The following CCDC57 variants were observed in gnomAD, a reference collection of about 807,000 sequenced individuals.
CCDC57 encodes coiled-coil domain containing 57, also known as coiled-coil domain-containing protein 57.
CCDC57 carries 118 observed loss-of-function variants against 118.9 expected under a neutral mutation model. The ratio of observed to expected loss-of-function variants is 0.99; its 90% confidence interval spans 0.86 to 1.16. The LOEUF is 1.16. Ranked by LOEUF, CCDC57 falls within the 50% of genes most tolerant of loss-of-function variation. CCDC57 has a pLI of 0.00. For missense variants in CCDC57, 1,300 were observed against 1,320.7 expected (o/e 0.98, Z 0.24); for synonymous variants, 527 against 532.9 (o/e 0.99, Z 0.15).
At chr17:82,103,339 C>CT (rs1375717673) in intron 19 of CCDC57, among the ~76,000 whole-genome samples, 1 of 152,062 alleles carries the variant, frequency 6.6e-6, no homozygotes, top group East Asian at 1.9e-4. Context: ...CTGGGGGGCC[C>CT]TGGACGCTGC....
At chr17:82,190,407 T>A (rs545726398) in intron 7 of CCDC57, among the ~76,000 whole-genome samples, 1 of 152,240 alleles carries the variant, frequency 6.6e-6, no homozygotes, top group South Asian at 2.1e-4. Context: ...CTAAAACACA[T>A]TAATCCAGTC....
At chr17:82,156,260 C>T (rs2042667805) in intron 15 of CCDC57, 1 of 151,282 alleles carries the variant, frequency 6.6e-6, no homozygotes, top group Admixed American at 6.6e-5. Flanking sequence ...CAGTGCACTC[C>T]AGATTGGGCG....
chr17:82,140,964 C>G (rs534130061), intron 16 of CCDC57, among the ~76,000 whole-genome samples: 1 of 137,660 alleles, frequency 7.3e-6, no homozygotes, highest in South Asian at 2.6e-4. Flanking sequence ...GGACAGCAAG[C>G]AAGAGGCTTT....
chr17:82,164,639 G>A (rs554095846), intron 13 of CCDC57, among the ~76,000 whole-genome samples: 2 of 152,114 alleles, frequency 1.3e-5, no homozygotes, highest in East Asian at 3.9e-4. Flanking sequence ...AAAACTCATA[G>A]GATACTATAA....
chr17:82,104,223 C>T (rs897241458), intron 19 of CCDC57, among the ~76,000 whole-genome samples: 3 of 152,270 alleles, frequency 2.0e-5, no homozygotes, highest in African/African-American at 7.2e-5. Context: ...CGGGATTTCT[C>T]TTTCTGCGTT....
At chr17:82,157,928 C>T (rs1300615497) in exon 15 of CCDC57, 1 of 1,557,600 alleles carries the variant, frequency 6.4e-7, no homozygotes, top group South Asian at 1.2e-5. Context: ...GAGCGGCCGG[C>T]TCCAGGGGTT....
chr17:82,210,699 TAA>T (rs749668557), intron 1 of CCDC57, among the ~76,000 whole-genome samples: 1 of 90,578 alleles, frequency 1.1e-5, no homozygotes, highest in African/African-American at 4.1e-5. Flanking sequence ...TAAAATTAAT[TAA>T]AAAAAAAAAA....
chr17:82,179,891 T>C (rs181380994), intron 9 of CCDC57, among the ~76,000 whole-genome samples: 8 of 152,174 alleles, frequency 5.3e-5, no homozygotes, highest in African/African-American at 4.8e-5. Context: ...AGAACAAGAA[T>C]TGGACTAGGA....
At chr17:82,210,689 T>A (rs868058979) in intron 1 of CCDC57, among the ~76,000 whole-genome samples, 132 of 94,924 alleles carry the variant, frequency 1.4e-3, no homozygotes, top group African/African-American at 4.9e-3. Flanking sequence ...CTCAAAAAAA[T>A]AAAATTAATT....
chr17:82,138,498 G>C (rs1598824650), intron 16 of CCDC57, among the ~76,000 whole-genome samples: 1 of 151,862 alleles, frequency 6.6e-6, no homozygotes, highest in Middle Eastern at 3.4e-3. Flanking sequence ...AGTGAGCTGT[G>C]ATCACACCAC....
intron 11 of CCDC57, among the ~76,000 whole-genome samples, chr17:82,177,204 G>A (rs1007939690): frequency 5.8e-4 from 88 of 151,806 alleles, no homozygotes; most frequent in Admixed American, 2.1e-3. Flanking sequence ...CAGAAACCCT[G>A]TCTCTACTAA....
chr17:82,194,159 G>C lies in CCDC57; in HGVS notation c.619-20C>G. On this transcript the variant is annotated intron_variant, in intron 5 of 19. Coordinates refer to ENST00000665763, the Ensembl canonical transcript of CCDC57. ...TTTAACCTTTGAATGATAAAAATGA[G>C]TTCAAAATGAGGTGATAATTAGAAG... 1.2e-6 allele frequency: 2 copies of C among 1,600,804 alleles called. No individual in the cohort carries two copies. Among genetic ancestry groups the C allele is most frequent in the Non-Finnish European group, 1.7e-6 (2 of 1,169,702 alleles).
intron 15 of CCDC57, 67 bp downstream of exon 14, chr17:82,157,681 C>T: frequency 3.3e-6 from 5 of 1,515,392 alleles, no homozygotes; most frequent in Middle Eastern, 2.4e-4. Flanking sequence ...GCTGGCAGAG[C>T]ACAGGCAAGG....
chr17:82,157,308 A>C lies in CCDC57; in HGVS notation c.2241+440T>G, dbSNP rs190658459. The C allele has an allele frequency of 9.8e-5, 34 of 347,288 alleles. No homozygotes were observed. The East Asian group carries it at 3.8e-3, about 39-fold the overall frequency. 21.5% of individuals were successfully genotyped at this position (347,288 alleles called of 1,614,324 possible). A position where few individuals can be genotyped will look rare whatever the true frequency, so the allele number is the denominator to read the frequency against. On this transcript the variant is annotated intron_variant, in intron 15 of 19. Transcript: ENST00000665763. ...GCAGCTGTGTGGCTCTGAACGCAGC[A>C]GTGAGGGCCATGTGGGCCCCTCCCC...
At position 82,183,945 on chromosome 17, in the gene CCDC57, G is replaced by A. The variant is rs866069341; in HGVS notation, c.1053-13C>T. 1.2e-5 allele frequency: 19 copies of A among 1,598,952 alleles called. No individual in the cohort carries two copies. The highest frequency in any genetic ancestry group is 1.7e-4 in the Middle Eastern group (1 of 6,040). ...ATCTTCACGAAGTCTAAACATAGAAGGGAAACTATGTAGATGTGGTTCTCA... is the reference window on the plus strand; with the variant it reads ...ATCTTCACGAAGTCTAAACATAGAAAGGAAACTATGTAGATGTGGTTCTCA... On this transcript the variant is annotated splice_polypyrimidine_tract_variant and intron_variant, in intron 8 of 19. Coordinates refer to ENST00000665763, the Ensembl canonical transcript of CCDC57.
intron 8 of CCDC57, among the ~76,000 whole-genome samples, chr17:82,184,355 C>T (rs2046676416): frequency 6.6e-6 from 1 of 152,236 alleles, no homozygotes; most frequent in Non-Finnish European, 1.5e-5. Flanking sequence ...CCTAGCACAG[C>T]ACCCCACGTG....
rs934170119 is a variant in CCDC57, at chr17:82,118,496, C to T, written c.2899+9196G>A. Among the ~76,000 whole-genome samples, 2 of 152,154 alleles carry T rather than the reference C, an allele frequency of 1.3e-5. No individual in the cohort carries two copies. Among genetic ancestry groups the T allele is most frequent in the African/African-American group, 2.4e-5 (1 of 41,448 alleles). Reference sequence around the variant, plus strand: ...CCGGAACTTGCGGGGCTTAGCTGCCCACACACGTGGGACAGACTGTTGGGT... The same window carrying T: ...CCGGAACTTGCGGGGCTTAGCTGCCTACACACGTGGGACAGACTGTTGGGT... On this transcript the variant is annotated intron_variant, in intron 19 of 19. Transcript: ENST00000665763. The surrounding 1 kb of genome is among the most constrained non-coding windows in gnomAD (Gnocchi z 4.7).
At chr17:82,182,087 C>T (rs1346428357) in intron 9 of CCDC57, among the ~76,000 whole-genome samples, 1 of 151,784 alleles carries the variant, frequency 6.6e-6, no homozygotes, top group African/African-American at 2.4e-5. Context: ...CACTGCACTC[C>T]AGCCTGGGTG....
In CCDC57 at chr17:82,158,040, G is replaced by A. The variant is rs554571580; in HGVS notation, c.2041-92C>T. 13 of 1,465,906 alleles carry A rather than the reference G, an allele frequency of 8.9e-6. No individual in the cohort carries two copies. The African/African-American group carries it at 9.9e-5, about 11-fold the overall frequency. The allele number at this position is 1,465,906 out of a possible 1,614,324, so 90.8% of individuals were successfully genotyped here. On this transcript the variant is annotated intron_variant, in intron 14 of 19. Coordinates refer to ENST00000665763, the Ensembl canonical transcript of CCDC57. ...ACTGACAGGAAGCGCTGTGAGTGCCGGGAAAGAACGGGGAGCCCGGGGTCA... is the reference window on the plus strand; with the variant it reads ...ACTGACAGGAAGCGCTGTGAGTGCCAGGAAAGAACGGGGAGCCCGGGGTCA...
Sources: allele counts gnomAD v4.1 joint callset (sites outside exome capture counted in the v4.1 genomes callset), GRCh38; gene constraint gnomAD v4.1.1; non-coding constraint Gnocchi (gnomAD v3.1); transcripts MANE v1.5; gene names NCBI Gene and HGNC (gene_info 2026-07-23, HGNC 2026-07-21).